Variants in EXOC6B observed in about 807,000 individuals in gnomAD.
The protein encoded by EXOC6B is SEC15 homolog B.
Under a neutral mutation model 113.5 loss-of-function variants are expected in EXOC6B, and 54 were observed. The observed-to-expected ratio is 0.48, with a 90% CI of 0.38 to 0.60. The LOEUF (loss-of-function observed/expected upper bound fraction) is 0.60, where lower values mean the gene tolerates loss of function less well. Ranked by LOEUF, EXOC6B falls within the 20% of genes least tolerant of loss-of-function variation. The pLI is 0.00. For missense variants in EXOC6B, 797 were observed against 977.5 expected (o/e 0.82, Z 2.46); for synonymous variants, 357 against 339.0 (o/e 1.05, Z -0.58).
chr2:72,374,051 C>T (rs1691200635), intron 19 of EXOC6B, among the ~76,000 whole-genome samples: 1 of 151,970 alleles, frequency 6.6e-6, no homozygotes, highest in Non-Finnish European at 1.5e-5. Flanking sequence ...CCTGCGCCTC[C>T]AGAGTGAGAC....
rs192233248 is a variant in EXOC6B at position 72,279,936 on chromosome 2, T to C, written c.2196+55011A>G. On this transcript the variant is annotated intron_variant, in intron 20 of 21. Transcript: ENST00000272427. ...AGATTATAGGCTAAATTTAGATAAC[T>C]TTTTTAAAGGTACTGAGCCATTTAG... is the stretch of plus-strand genomic sequence containing the variant. 2.0e-5 allele frequency among the ~76,000 whole-genome samples: 3 copies of C among 152,230 alleles called. No homozygotes were observed. The East Asian group carries it at 5.8e-4, about 29-fold the overall frequency.
intron 18 of EXOC6B, among the ~76,000 whole-genome samples, chr2:72,443,867 G>A (rs1003468211): frequency 1.7e-4 from 26 of 152,108 alleles, no homozygotes; most frequent in Non-Finnish European, 5.9e-5. Flanking sequence ...ATGAGAGTTG[G>A]GTGGGGACAC....
intron 1 of EXOC6B, among the ~76,000 whole-genome samples, chr2:72,767,808 TA>T (rs34358568): frequency 0.06 from 755 of 12,658 alleles, 38 homozygotes; most frequent in African/African-American, 0.12. Flanking sequence ...GAGACCTTGT[TA>T]AAAAAAAAAA....
intron 6 of EXOC6B, among the ~76,000 whole-genome samples, chr2:72,631,449 TATATATATATATAGAGAGAG>T (rs1672426847): frequency 1.7e-5 from 1 of 58,198 alleles, no homozygotes; most frequent in Non-Finnish European, 3.4e-5. Context: ...TATATATATA[TATATATATATATAGAGAGAG>T]AGAGAGAGAG....
intron 8 of EXOC6B, among the ~76,000 whole-genome samples, chr2:72,548,949 T>C (rs2105814160): frequency 2.0e-5 from 3 of 152,164 alleles, no homozygotes; most frequent in Non-Finnish European, 4.4e-5. Context: ...GAGGCGGAGC[T>C]TGCAGTGAGC....
chr2:72,442,053 A>T (rs1037804590), intron 18 of EXOC6B, among the ~76,000 whole-genome samples: 5 of 152,226 alleles, frequency 3.3e-5, no homozygotes. Flanking sequence ...CTTATGCACC[A>T]TGATCAAGTA....
intron 18 of EXOC6B, among the ~76,000 whole-genome samples, chr2:72,427,183 C>A (rs1159641211): frequency 6.6e-6 from 1 of 152,218 alleles, no homozygotes; most frequent in Non-Finnish European, 1.5e-5. Flanking sequence ...TGGGGCCTGG[C>A]CGAGCCACCC....
chr2:72,389,283 A>T (rs1692228203), intron 18 of EXOC6B, among the ~76,000 whole-genome samples: 1 of 151,888 alleles, frequency 6.6e-6, no homozygotes, highest in South Asian at 2.1e-4. Flanking sequence ...ATCACAGTTT[A>T]TCTTGAATTA....
At chr2:72,233,726 C>T (rs1681778048) in intron 20 of EXOC6B, among the ~76,000 whole-genome samples, 2 of 152,178 alleles carry the variant, frequency 1.3e-5, no homozygotes, top group Admixed American at 6.5e-5. Flanking sequence ...CACACCCTCA[C>T]TAAATGCGGC....
intron 5 of EXOC6B, among the ~76,000 whole-genome samples, chr2:72,727,761 C>T (rs952922711): frequency 1.3e-5 from 2 of 151,994 alleles, no homozygotes; most frequent in Non-Finnish European, 2.9e-5. Flanking sequence ...TTTTTTGAAA[C>T]CCACAAAATA....
intron 6 of EXOC6B, among the ~76,000 whole-genome samples, chr2:72,602,789 A>T (rs1670509269): frequency 6.6e-6 from 1 of 152,208 alleles, no homozygotes; most frequent in Admixed American, 6.5e-5. Context: ...CAGTCTGTTG[A>T]GATCGAACAT....
chr2:72,393,012 C>T (rs1412307508), intron 18 of EXOC6B, among the ~76,000 whole-genome samples: 1 of 152,002 alleles, frequency 6.6e-6, no homozygotes, highest in Non-Finnish European at 1.5e-5. Context: ...GCCCTATGCA[C>T]CTGCAGCTTA....
chr2:72,390,368 C>G (rs928830702), intron 18 of EXOC6B, among the ~76,000 whole-genome samples: 1 of 151,906 alleles, frequency 6.6e-6, no homozygotes, highest in African/African-American at 2.4e-5. Flanking sequence ...AAGCATTTGC[C>G]TTCTAATTCT....
intron 1 of EXOC6B, among the ~76,000 whole-genome samples, chr2:72,803,748 A>G (rs1685427247): frequency 6.6e-6 from 1 of 152,200 alleles, no homozygotes; most frequent in African/African-American, 2.4e-5. Flanking sequence ...AGTAGGGTCT[A>G]TACTTGCCTG....
intron 8 of EXOC6B, among the ~76,000 whole-genome samples, chr2:72,525,368 C>G (rs931523297): frequency 6.6e-6 from 1 of 152,064 alleles, no homozygotes; most frequent in Non-Finnish European, 1.5e-5. Context: ...TTTTTATAAC[C>G]TTTGACCCAA....
chr2:72,482,020 T>C (rs961821613), intron 16 of EXOC6B, among the ~76,000 whole-genome samples: 1 of 152,202 alleles, frequency 6.6e-6, no homozygotes, highest in Non-Finnish European at 1.5e-5. Context: ...GAAAATGAAG[T>C]GATTTTCTTT....
intron 18 of EXOC6B, among the ~76,000 whole-genome samples, chr2:72,461,159 G>A (rs1302520398): frequency 1.4e-5 from 2 of 139,428 alleles, no homozygotes; most frequent in Non-Finnish European, 3.0e-5. Flanking sequence ...ATTGAACAAT[G>A]AGAACACATG....
In EXOC6B at chr2:72,307,141, G is replaced by A. The variant is rs566848903; in HGVS notation, c.2196+27806C>T. Among the ~76,000 whole-genome samples the A allele has an allele frequency of 7.0e-5, 10 of 142,666 alleles. No individual in the cohort carries two copies. The South Asian group carries it at 2.1e-3, about 30-fold the overall frequency. 93.6% of individuals were successfully genotyped at this position (142,666 alleles called of 152,430 possible). ...CTTAAAATCTTCAGTGGCTTTCCAT[G>A]ACTGCAATGGTATAGTCCAGTTTTT... is the stretch of plus-strand genomic sequence containing the variant. On this transcript the variant is annotated intron_variant, in intron 20 of 21. Coordinates refer to ENST00000272427, the MANE Select transcript of EXOC6B (RefSeq NM_015189.3).
chr2:72,428,238 C>T (rs192997404), intron 18 of EXOC6B, among the ~76,000 whole-genome samples: 4 of 152,218 alleles, frequency 2.6e-5, no homozygotes, highest in Non-Finnish European at 4.4e-5. Flanking sequence ...CTGAAACACA[C>T]CCCTTGTTCG....
Sources: allele counts gnomAD v4.1 joint callset (sites outside exome capture counted in the v4.1 genomes callset), GRCh38; gene constraint gnomAD v4.1.1; transcripts MANE v1.5; gene names NCBI Gene and HGNC (gene_info 2026-07-23, HGNC 2026-07-21).